Variants in RNF19A observed in about 807,000 individuals in gnomAD.
RNF19A encodes the protein ring finger protein 19A, RBR E3 ubiquitin protein ligase.
RNF19A carries 32 observed loss-of-function variants against 75.7 expected under a neutral mutation model. The ratio of observed to expected loss-of-function variants is 0.42; its 90% confidence interval spans 0.32 to 0.57. RNF19A has a LOEUF of 0.57. RNF19A is among the 20% of genes least tolerant of loss of function. The pLI is 0.10. For synonymous variants in RNF19A, 335 were observed against 345.2 expected (o/e 0.97, Z 0.33); for missense variants, 782 against 1,036.3 (o/e 0.75, Z 3.37).
rs142099297 is a variant in RNF19A, at chr8:100,264,776, G to T, written c.1201C>A (p.Arg401Ser). The T allele has an allele frequency of 2.8e-5, 45 of 1,611,284 alleles. No homozygotes were observed. Among genetic ancestry groups the T allele is most frequent in the Non-Finnish European group, 3.6e-5 (42 of 1,177,786 alleles). ...TTTGAAACATCCTTGCCTTCATAGC[G>T]ATTGTGAATCTTGAATTAATAAAAA... is the stretch of plus-strand genomic sequence containing the variant. ...PVYVGRKIHNRYEGKDVSKHK... is the reference protein window; with the variant it reads ...PVYVGRKIHNSYEGKDVSKHK... The change falls in exon 6 of 10, where the codon CGC (arginine) becomes AGC (serine). Residue 401 changes from arginine (R) to serine (S), a missense_variant. By Grantham distance (110) the Arg-to-Ser change is moderately radical (BLOSUM62 -1). Around this residue, in one of 7 missense-constraint regions of RNF19A, gnomAD observed 442 missense variants for 541.6 expected, o/e 0.82. Coordinates refer to ENST00000341084, the MANE Select transcript of RNF19A (RefSeq NM_183419.4). This position sits in a 1 kb window ranked among gnomAD's most constrained non-coding sequence, Gnocchi z 4.7.
chr8:100,305,919 G>C (rs867203633), intron 1 of RNF19A, among the ~76,000 whole-genome samples: 11 of 152,262 alleles, frequency 7.2e-5, no homozygotes, highest in Middle Eastern at 3.4e-3. Flanking sequence ...TCATGATAAT[G>C]AGCTTATTTT....
chr8:100,267,401 G>C lies in RNF19A; in HGVS notation c.1191+1384C>G, dbSNP rs576540418. On this transcript the variant is annotated intron_variant, in intron 5 of 9. Transcript: ENST00000341084. Reference sequence around the variant, plus strand: ...TTTTTTATTTTAGAGATAGGATCTTGCTCTATCACCCAGGCTGGAGTGAAG... The same window carrying C: ...TTTTTTATTTTAGAGATAGGATCTTCCTCTATCACCCAGGCTGGAGTGAAG... 2.0e-5 allele frequency among the ~76,000 whole-genome samples: 3 copies of C among 152,128 alleles called. No homozygotes were observed. In the South Asian group the frequency reaches 6.2e-4, roughly 32 times the overall value.
In RNF19A at chr8:100,260,925, C is replaced by A. The variant is rs1819682177; in HGVS notation, c.1682+617G>T. Reference sequence around the variant, plus strand: ...TCCCAGGACTCAGCCAAAGTCCCATCTCCTAATATCTGGCTGTTGTTACCC... The same window carrying A: ...TCCCAGGACTCAGCCAAAGTCCCATATCCTAATATCTGGCTGTTGTTACCC... On this transcript the variant is annotated intron_variant, in intron 8 of 9. Transcript: ENST00000341084. The surrounding 1 kb of genome is among the most constrained non-coding windows in gnomAD (Gnocchi z 4.1). 6.6e-6 allele frequency among the ~76,000 whole-genome samples: 1 copy of A among 152,204 alleles called. No homozygotes were observed. The highest frequency in any genetic ancestry group is 1.5e-5 in the Non-Finnish European group (1 of 68,038).
intron 2 of RNF19A, among the ~76,000 whole-genome samples, chr8:100,277,035 A>G (rs543744059): frequency 1.3e-5 from 2 of 152,290 alleles, no homozygotes; most frequent in East Asian, 1.9e-4. Context: ...ATGTGAATCT[A>G]CCATTACCTC....
At position 100,261,398 on chromosome 8, in the gene RNF19A, C is replaced by A; in HGVS notation, c.1682+144G>T. 1 of 766,926 alleles carries A rather than the reference C, an allele frequency of 1.3e-6. No individual in the cohort carries two copies. The highest frequency in any genetic ancestry group is 2.1e-6 in the Non-Finnish European group (1 of 475,346). 47.5% of individuals were successfully genotyped at this position (766,926 alleles called of 1,614,324 possible). A position where few individuals can be genotyped will look rare whatever the true frequency, so the allele number is the denominator to read the frequency against. On this transcript the variant is annotated intron_variant, in intron 8 of 9. Transcript: ENST00000341084. This position sits in a 1 kb window ranked among gnomAD's most constrained non-coding sequence, Gnocchi z 4.4. ...CAGGCGTGAGCCACTGCACCTGGCCCCAAATTTCATTTTTAACATTACTAT... is the reference window on the plus strand; with the variant it reads ...CAGGCGTGAGCCACTGCACCTGGCCACAAATTTCATTTTTAACATTACTAT...
At chr8:100,310,636 G>T (rs1253710972), upstream of RNF19A, among the ~76,000 whole-genome samples, 1 of 152,260 alleles carries the variant, frequency 6.6e-6, no homozygotes, top group Non-Finnish European at 1.5e-5. Flanking sequence ...GCAGCACCCT[G>T]TGCGTCTGCA....
chr8:100,264,089 C>G lies in RNF19A; in HGVS notation c.1413G>C (p.Arg471Ser). Residue 471 changes from arginine to serine, a missense_variant, in exon 7 of 10, where the codon AGG becomes AGC. Around this residue, in one of 7 missense-constraint regions of RNF19A, gnomAD observed 442 missense variants for 541.6 expected, o/e 0.82. Coordinates refer to ENST00000341084, the MANE Select transcript of RNF19A (RefSeq NM_183419.4). This position sits in a 1 kb window ranked among gnomAD's most constrained non-coding sequence, Gnocchi z 4.7. ...TATCATTTTCATCATCAAATTCAAT[C>G]CTAACTCCTTTTCCATTGCCTGCTG... ...GVSAGNGKGV[R>S]IEFDDENDIN... The G allele has an allele frequency of 6.2e-7, 1 of 1,613,808 alleles. No homozygotes were observed. Among genetic ancestry groups the G allele is most frequent in the Non-Finnish European group, 8.5e-7 (1 of 1,179,812 alleles).
rs929155378 is a variant in RNF19A at position 100,282,137 on chromosome 8, A to G, written c.674+5364T>C. Among the ~76,000 whole-genome samples, 6 of 152,084 alleles carry G rather than the reference A, an allele frequency of 3.9e-5. No homozygotes were observed. In the East Asian group the frequency reaches 9.6e-4, roughly 24 times the overall value. ...ATTTTGGCTGCATATCCAAAGCTAC[A>G]TTCTTTAGTCAACTAATTAGAGAAA... On this transcript the variant is annotated intron_variant, in intron 2 of 9. Coordinates refer to ENST00000341084, the MANE Select transcript of RNF19A (RefSeq NM_183419.4).
In RNF19A at chr8:100,332,174, T is replaced by C. The variant is rs368175628; in HGVS notation, c.-243+3934A>G. On this transcript the variant is annotated intron_variant, in intron 1 of 3. Coordinates refer to the RNF19A transcript ENST00000519527. This position sits in a 1 kb window ranked among gnomAD's most constrained non-coding sequence, Gnocchi z 4.8. Reference sequence around the variant, plus strand: ...GATATGTCCACTTTCCATACTGATATCTGATTTGGTTTGGCTCTGTGTCCC... The same window carrying C: ...GATATGTCCACTTTCCATACTGATACCTGATTTGGTTTGGCTCTGTGTCCC... 1.3e-5 allele frequency among the ~76,000 whole-genome samples: 2 copies of C among 152,330 alleles called. No homozygotes were observed. The highest frequency in any genetic ancestry group is 6.5e-5 in the Admixed American group (1 of 15,304).
chr8:100,265,262 G>A (rs368794942), intron 5 of RNF19A, among the ~76,000 whole-genome samples: 2 of 152,096 alleles, frequency 1.3e-5, no homozygotes, highest in South Asian at 4.1e-4. Context: ...TAATAAACAA[G>A]TATGAATAAA....
intron 1 of RNF19A, among the ~76,000 whole-genome samples, chr8:100,315,402 A>G (rs542978942): frequency 1.9e-3 from 288 of 152,044 alleles, no homozygotes; most frequent in Admixed American, 3.1e-3. Flanking sequence ...CTGGGGGGGA[A>G]AAATGCAACC....
At chr8:100,281,573 T>C (rs1820784591) in intron 2 of RNF19A, among the ~76,000 whole-genome samples, 1 of 152,126 alleles carries the variant, frequency 6.6e-6, no homozygotes. Context: ...GAAAAAAACA[T>C]ACCTAACATG....
At chr8:100,308,851 C>A (rs763069117) in intron 1 of RNF19A, among the ~76,000 whole-genome samples, 3 of 152,224 alleles carry the variant, frequency 2.0e-5, no homozygotes, top group Non-Finnish European at 4.4e-5. Context: ...TCTTTTCTAA[C>A]GTCACCCCAA....
chr8:100,327,307 A>C (rs1822548607), intron 1 of RNF19A, among the ~76,000 whole-genome samples: 1 of 124,224 alleles, frequency 8.0e-6, no homozygotes. Context: ...GCTGGGGTGC[A>C]GTGGCATGAT....
intron 1 of RNF19A, among the ~76,000 whole-genome samples, chr8:100,299,411 G>C (rs773043688): frequency 7.2e-5 from 11 of 152,196 alleles, no homozygotes; most frequent in Non-Finnish European, 8.8e-5. Flanking sequence ...GTGTCAAAGT[G>C]AATTTTACCA....
At position 100,258,108 on chromosome 8, in the gene RNF19A, A is replaced by G; in HGVS notation, c.*448T>C. 1 of 401,284 alleles carries G rather than the reference A, an allele frequency of 2.5e-6. No homozygotes were observed. Among genetic ancestry groups the G allele is most frequent in the Non-Finnish European group, 4.4e-6 (1 of 227,700 alleles). 24.9% of individuals were successfully genotyped at this position (401,284 alleles called of 1,614,324 possible). ...AAATAGAAATGTTACAGAGTATCAT[A>G]TACTGAGAGTAACCTATGCAGTTCT... On this transcript the variant is annotated 3_prime_UTR_variant, in exon 10 of 10. Coordinates refer to ENST00000341084, the MANE Select transcript of RNF19A (RefSeq NM_183419.4). This position sits in a 1 kb window ranked among gnomAD's most constrained non-coding sequence, Gnocchi z 4.3.
At chr8:100,309,696 C>A (rs1822221382) in intron 1 of RNF19A, among the ~76,000 whole-genome samples, 171 bp downstream of exon 1, 1 of 152,228 alleles carries the variant, frequency 6.6e-6, no homozygotes, top group Non-Finnish European at 1.5e-5. Context: ...CGGCCCCGAG[C>A]CCACGCTGGA....
At chr8:100,321,051 G>A (rs1229734233) in intron 1 of RNF19A, among the ~76,000 whole-genome samples, 1 of 152,212 alleles carries the variant, frequency 6.6e-6, no homozygotes, top group East Asian at 1.9e-4. Context: ...GATGTTGATG[G>A]TGGCTGAATG....
upstream of RNF19A, among the ~76,000 whole-genome samples, chr8:100,314,684 C>T (rs147624532): frequency 9.2e-5 from 14 of 152,336 alleles, no homozygotes; most frequent in East Asian, 2.7e-3. This position sits in a 1 kb window ranked among gnomAD's most constrained non-coding sequence, Gnocchi z 4.1. Flanking sequence ...AATGCCCCCT[C>T]CCCTCTCCTC....
Sources: gnomAD v4.1 joint callset for allele counts (sites outside exome capture counted in the v4.1 genomes callset) on GRCh38, gnomAD v4.1.1 for gene constraint, gnomAD v4.1.1 regional missense constraint, Gnocchi (gnomAD v3.1) non-coding constraint, MANE v1.5 for transcripts, NCBI Gene and HGNC (gene_info 2026-07-23, HGNC 2026-07-21) for gene names.